The following ZFC3H1 variants were observed in gnomAD, a reference collection of about 807,000 sequenced individuals.
ZFC3H1 encodes the protein zinc finger C3H1-type containing.
ZFC3H1 carries 71 observed loss-of-function variants against 243.7 expected under a neutral mutation model. The observed-to-expected ratio is 0.29, with a 90% CI of 0.24 to 0.36. The LOEUF is 0.36. ZFC3H1 is among the 10% of genes least tolerant of loss of function. The pLI is 1.00. For synonymous variants in ZFC3H1, 838 were observed against 813.0 expected (o/e 1.03, Z -0.52); for missense variants, 1,966 against 2,317.1 (o/e 0.85, Z 3.11).
rs1880327093 is a variant in ZFC3H1 at position 71,631,711 on chromosome 12, C to G, written c.3470+67G>C. ...TGCTTTTTCATTATCATCAAATATT[C>G]AAGATAAAATATTAAAAACCAAACA... On this transcript the variant is annotated intron_variant, in intron 16 of 34. Transcript: ENST00000378743. 2.3e-6 allele frequency: 3 copies of G among 1,301,876 alleles called. No homozygotes were observed. In the South Asian group the frequency reaches 4.1e-5, roughly 18 times the overall value. 80.6% of individuals were successfully genotyped at this position (1,301,876 alleles called of 1,614,324 possible). A position where few individuals can be genotyped will look rare whatever the true frequency, so the allele number is the denominator to read the frequency against.
chr12:71,616,023 C>T lies in ZFC3H1; in HGVS notation c.5145-707G>A, dbSNP rs1040146477. Among the ~76,000 whole-genome samples, 149 of 152,266 alleles carry T rather than the reference C, an allele frequency of 9.8e-4. 2 individuals are homozygous for T. Among genetic ancestry groups the T allele is most frequent in the African/African-American group, 3.4e-3 (140 of 41,552 alleles). On this transcript the variant is annotated intron_variant, in intron 27 of 34. Transcript: ENST00000378743. ...AGATTTACAAGGCCTGGGGCTGTGG[C>T]TCACACCTGTAATCCCAGCACTTTG... is the stretch of plus-strand genomic sequence containing the variant.
At chr12:71,645,346 T>C (rs1050548728) in intron 3 of ZFC3H1, among the ~76,000 whole-genome samples, 1 of 151,940 alleles carries the variant, frequency 6.6e-6, no homozygotes, top group Non-Finnish European at 1.5e-5. Context: ...AACACGATAA[T>C]GCAAAAAAGA....
chr12:71,629,901 C>T (rs891668112), intron 18 of ZFC3H1, among the ~76,000 whole-genome samples, 191 bp from the exon 19 acceptor site: 3 of 150,314 alleles, frequency 2.0e-5, no homozygotes, highest in South Asian at 4.2e-4. Context: ...ACATCATATA[C>T]CCCATTTGGG....
At chr12:71,617,828 G>A (rs887654695) in intron 27 of ZFC3H1, among the ~76,000 whole-genome samples, 2 of 152,140 alleles carry the variant, frequency 1.3e-5, no homozygotes, top group African/African-American at 4.8e-5. Context: ...GGATGTAACA[G>A]AGCAGAAAGA....
chr12:71,663,418 C>T lies in ZFC3H1; in HGVS notation c.193G>A (p.Gly65Arg). 3.7e-5 allele frequency: 59 copies of T among 1,611,920 alleles called. No homozygotes were observed. Among genetic ancestry groups the T allele is most frequent in the Non-Finnish European group, 5.0e-5 (59 of 1,180,030 alleles). The stretch of plus-strand genomic sequence containing the variant: ...GAAGAGCCACCGCCTCCGCCAGATC[C>T]ACCGCCCCGGGCCGAGTGAGGAGGC... ...RRPPHSARGG[G>R]SGGGGGSSSS... The change falls in exon 1 of 35, where the codon GGA (glycine) becomes AGA (arginine). Residue 65 changes from glycine to arginine, a missense_variant. Physicochemically the swap from Gly to Arg is moderately radical, Grantham distance 125 (BLOSUM62 -2). Transcript: ENST00000378743.
At chr12:71,611,748 C>T (rs1879779785) in intron 32 of ZFC3H1, 38 bp downstream of exon 32, 1 of 1,359,618 alleles carries the variant, frequency 7.4e-7, no homozygotes, top group African/African-American at 1.5e-5. Flanking sequence ...TAAATAAAAG[C>T]AATAGCTATA....
chr12:71,644,134 G>A lies in ZFC3H1; in HGVS notation c.1464C>T (p.Phe488=). 2 of 1,613,666 alleles carry A rather than the reference G, an allele frequency of 1.2e-6. No individual in the cohort carries two copies. Among genetic ancestry groups the A allele is most frequent in the African/African-American group, 1.3e-5 (1 of 75,004 alleles). ...LSNQEEQYNR[F]MKLVGGKRRS... Reference sequence around the variant, plus strand: ...TCCTCTTGCCACCAACCAATTTCATGAATCGATTGTACTGTTCTTCCTGAT... The same window carrying A: ...TCCTCTTGCCACCAACCAATTTCATAAATCGATTGTACTGTTCTTCCTGAT... The change falls in exon 5 of 35, where the codon TTC becomes TTT. Residue 488 remains phenylalanine, a synonymous_variant. Coordinates refer to ENST00000378743, the MANE Select transcript of ZFC3H1 (RefSeq NM_144982.5).
At chr12:71,650,956 A>T (rs1356539813) in intron 2 of ZFC3H1, among the ~76,000 whole-genome samples, 1 of 152,190 alleles carries the variant, frequency 6.6e-6, no homozygotes, top group East Asian at 1.9e-4. Context: ...ACTCTCCTGT[A>T]TTAGCACAGG....
intron 26 of ZFC3H1, 84 bp downstream of exon 26, chr12:71,619,842 G>A: frequency 1.6e-6 from 2 of 1,259,904 alleles, no homozygotes; most frequent in Non-Finnish European, 2.2e-6. Context: ...AGGGTAAAAG[G>A]ACCAGGAAAC....
chr12:71,642,278 C>T (rs1880619697), intron 6 of ZFC3H1, among the ~76,000 whole-genome samples, 158 bp downstream of exon 6: 1 of 152,184 alleles, frequency 6.6e-6, no homozygotes, highest in African/African-American at 2.4e-5. Flanking sequence ...GAGGTTTGCT[C>T]TCTAAGTATT....
chr12:71,638,584 T>G (rs1168852383), intron 6 of ZFC3H1, 69 bp from the exon 7 acceptor site: 1 of 1,306,950 alleles, frequency 7.7e-7, no homozygotes, highest in Non-Finnish European at 1.0e-6. Context: ...TAAGTTTATG[T>G]TATGTTTGAA....
intron 3 of ZFC3H1, among the ~76,000 whole-genome samples, chr12:71,645,586 T>C (rs943393400): frequency 2.0e-5 from 3 of 152,110 alleles, no homozygotes; most frequent in African/African-American, 4.8e-5. Context: ...ATTTTTTAAT[T>C]CTTTAAATTA....
chr12:71,615,062 T>C (rs930327966), intron 28 of ZFC3H1, 124 bp from the exon 29 acceptor site: 235 of 1,096,908 alleles, frequency 2.1e-4, no homozygotes, highest in South Asian at 5.9e-5. Flanking sequence ...CTTTCTTCTC[T>C]AGTATATACT....
chr12:71,663,032 G>A lies in ZFC3H1; in HGVS notation c.579C>T (p.Pro193=). The change falls in exon 1 of 35, where the codon CCC becomes CCT. Residue 193 remains proline, a synonymous_variant. Transcript: ENST00000378743. The part of the protein sequence containing the change: ...GFSSSQSWRE[P]SPPRKSSKSF... The stretch of plus-strand genomic sequence containing the variant: ...GGATACAGCTCTTCCGAGGTGGAGA[G>A]GGCTCTCGCCAGCTCTGACTGCTGC... 1 of 1,607,740 alleles carries A rather than the reference G, an allele frequency of 6.2e-7. No homozygotes were observed. Among genetic ancestry groups the A allele is most frequent in the African/African-American group, 1.3e-5 (1 of 74,932 alleles).
At chr12:71,628,284 T>C (rs78723783) in intron 20 of ZFC3H1, among the ~76,000 whole-genome samples, 8,169 of 152,302 alleles carry the variant, frequency 0.054, 357 homozygotes, top group Non-Finnish European at 0.083. Context: ...AACTGCAAAT[T>C]ATAATTAAGA....
chr12:71,631,855 T>G lies in ZFC3H1; in HGVS notation c.3393A>C (p.Ala1131=). 6.2e-7 allele frequency: 1 copy of G among 1,613,774 alleles called. No homozygotes were observed. Among genetic ancestry groups the G allele is most frequent in the East Asian group, 2.2e-5 (1 of 44,844 alleles). ...GCTTCACTTCCATTGTTTTACTTTG[T>G]GCTGTGACAAAATCCACATCTACAG... The part of the protein sequence containing the change: ...EISVDVDFVT[A]QSKTMEVKPC... The change falls in exon 16 of 35, where the codon GCA becomes GCC. Residue 1131 remains alanine, a synonymous_variant. Transcript: ENST00000378743.
rs140050235 is a variant in ZFC3H1, at chr12:71,653,791, G to A, written c.1015+3094C>T. ...AGCACTTTGGGAGGCCAAGGCAGGC[G>A]GATCACTTCAGGCCAGGAGTTTGAG... On this transcript the variant is annotated intron_variant, in intron 2 of 34. Transcript: ENST00000378743. 6.5e-4 allele frequency among the ~76,000 whole-genome samples: 99 copies of A among 152,308 alleles called. 1 individual carries two copies. The highest frequency in any genetic ancestry group is 2.0e-3 in the African/African-American group (84 of 41,558).
intron 27 of ZFC3H1, among the ~76,000 whole-genome samples, chr12:71,618,840 T>C (rs1234131311): frequency 6.6e-6 from 1 of 152,156 alleles, no homozygotes; most frequent in East Asian, 1.9e-4. Context: ...AAATTAATGG[T>C]TGAGAAAAGA....
In ZFC3H1 at chr12:71,633,436, A is replaced by T. The variant is rs1411352289; in HGVS notation, c.2513T>A (p.Ile838Asn). 1 of 1,550,886 alleles carries T rather than the reference A, an allele frequency of 6.4e-7. No homozygotes were observed. Among genetic ancestry groups the T allele is most frequent in the Non-Finnish European group, 8.7e-7 (1 of 1,152,098 alleles). Residue 838 changes from isoleucine (I) to asparagine (N), a missense_variant and splice_region_variant, in exon 13 of 35, where the codon ATT (isoleucine) becomes AAT (asparagine). Transcript: ENST00000378743. ...DAESKLKKHR[I>N]LLMKDESVLK... Reference sequence around the variant, plus strand: ...AACAGATTCATCTTTCATCAAGAGAATCCTAAATGAGAAATAACAAAATTC... The same window carrying T: ...AACAGATTCATCTTTCATCAAGAGATTCCTAAATGAGAAATAACAAAATTC...
Sources: gnomAD v4.1 joint callset for allele counts (sites outside exome capture counted in the v4.1 genomes callset) on GRCh38, gnomAD v4.1.1 for gene constraint, MANE v1.5 for transcripts, NCBI Gene and HGNC (gene_info 2026-07-23, HGNC 2026-07-21) for gene names.